FRMD5: variants seen among roughly 807,000 people sequenced by gnomAD.
The protein encoded by FRMD5 is FERM domain containing 5.
FRMD5 carries 20 observed loss-of-function variants against 69.0 expected under a neutral mutation model. The observed-to-expected ratio is 0.29, with a 90% CI of 0.20 to 0.42. The LOEUF is 0.42. FRMD5 is among the 10% of genes least tolerant of loss of function. FRMD5 has a pLI of 1.00. For synonymous variants in FRMD5, 271 were observed against 260.1 expected (o/e 1.04, Z -0.40); for missense variants, 595 against 708.6 (o/e 0.84, Z 1.82).
intron 1 of FRMD5, among the ~76,000 whole-genome samples, chr15:43,932,595 C>T (rs2089693865): frequency 6.6e-6 from 1 of 152,082 alleles, no homozygotes; most frequent in Non-Finnish European, 1.5e-5. Context: ...CCTTTTAATG[C>T]CTTGGCTTTA....
chr15:43,882,810 CT>C (rs561165000), intron 13 of FRMD5, among the ~76,000 whole-genome samples: 2 of 151,312 alleles, frequency 1.3e-5, no homozygotes, highest in African/African-American at 2.4e-5. Context: ...GTGGAATCCT[CT>C]TTTTTTTCTT....
chr15:44,114,165 G>T (rs916275114), intron 1 of FRMD5, among the ~76,000 whole-genome samples: 1 of 152,080 alleles, frequency 6.6e-6, no homozygotes, highest in African/African-American at 2.4e-5. Context: ...ATTAACAGAA[G>T]ACAGTAGTAT....
At chr15:43,929,196 A>G (rs975682185) in intron 1 of FRMD5, among the ~76,000 whole-genome samples, 2 of 152,110 alleles carry the variant, frequency 1.3e-5, no homozygotes, top group African/African-American at 2.4e-5. Context: ...TGGTTTGCCT[A>G]TTCTTTAGGG....
intron 1 of FRMD5, among the ~76,000 whole-genome samples, chr15:44,132,754 G>GTATA (rs2077120547): frequency 8.6e-6 from 1 of 115,974 alleles, no homozygotes; most frequent in South Asian, 3.7e-4. Context: ...ATGTATGTAT[G>GTATA]TATGTATGTA....
chr15:43,933,331 C>T (rs1280587703), intron 1 of FRMD5, among the ~76,000 whole-genome samples: 1 of 152,200 alleles, frequency 6.6e-6, no homozygotes, highest in Non-Finnish European at 1.5e-5. Flanking sequence ...AGGAAGCATA[C>T]CATACTCCGG....
At chr15:44,048,659 G>A (rs781713858) in intron 1 of FRMD5, among the ~76,000 whole-genome samples, 9 of 151,836 alleles carry the variant, frequency 5.9e-5, no homozygotes, top group Non-Finnish European at 1.0e-4. Flanking sequence ...GGCAACCTCC[G>A]TCTCCCAGGT....
intron 9 of FRMD5, 63 bp downstream of exon 9, chr15:43,888,746 C>G: frequency 6.9e-7 from 1 of 1,442,704 alleles, no homozygotes; most frequent in Non-Finnish European, 9.7e-7. Flanking sequence ...AAGCTTGGCT[C>G]TGGCCACCAG....
intron 1 of FRMD5, among the ~76,000 whole-genome samples, chr15:43,934,269 G>T (rs888126847): frequency 1.3e-5 from 2 of 152,220 alleles, no homozygotes; most frequent in African/African-American, 2.4e-5. Context: ...AGCGATGGGA[G>T]TAAGAAAAGG....
At chr15:44,016,345 C>T (rs575603840) in intron 1 of FRMD5, among the ~76,000 whole-genome samples, 1 of 152,064 alleles carries the variant, frequency 6.6e-6, no homozygotes, top group Non-Finnish European at 1.5e-5. Flanking sequence ...TTTATATATA[C>T]GAATAATGTA....
intron 1 of FRMD5, among the ~76,000 whole-genome samples, chr15:44,149,570 T>C (rs906442988): frequency 4.6e-5 from 7 of 152,036 alleles, no homozygotes; most frequent in Non-Finnish European, 7.4e-5. Context: ...AGCGAAAGGA[T>C]GTAAAAATAT....
intron 1 of FRMD5, among the ~76,000 whole-genome samples, chr15:44,054,900 T>C (rs751640976): frequency 2.0e-5 from 3 of 151,898 alleles, no homozygotes; most frequent in African/African-American, 4.8e-5. Context: ...TGAAACCCCA[T>C]CTCTACTAAA....
intron 1 of FRMD5, among the ~76,000 whole-genome samples, chr15:44,050,576 T>C (rs1283792740): frequency 1.4e-5 from 2 of 145,998 alleles, no homozygotes; most frequent in African/African-American, 2.5e-5. Flanking sequence ...TGCTATGTTG[T>C]CCAGCCTGGT....
At chr15:44,083,084 T>C (rs1333381174) in intron 1 of FRMD5, among the ~76,000 whole-genome samples, 1 of 152,034 alleles carries the variant, frequency 6.6e-6, no homozygotes, top group African/African-American at 2.4e-5. Context: ...TCTGATTATA[T>C]GCCTTAAAAG....
At position 43,879,785 on chromosome 15, in the gene FRMD5, A is replaced by C. The variant is rs2088472495; in HGVS notation, c.1135+3918T>G. The C allele has an allele frequency of 1.0e-5, 4 of 397,590 alleles. No homozygotes were observed. In the South Asian group the frequency reaches 4.3e-4, roughly 42 times the overall value. The allele number at this position is 397,590 out of a possible 1,614,324, so 24.6% of individuals were successfully genotyped here. A position where few individuals can be genotyped will look rare whatever the true frequency, so the allele number is the denominator to read the frequency against. On this transcript the variant is annotated intron_variant, in intron 13 of 13. Transcript: ENST00000417257. ...AAGATGGAAAGCCAACTAGGAACAA[A>C]GGATTTCTGCAGATCCCACATCATA... is the stretch of plus-strand genomic sequence containing the variant.
chr15:44,031,901 G>T (rs765219076), intron 1 of FRMD5, among the ~76,000 whole-genome samples: 7 of 152,010 alleles, frequency 4.6e-5, no homozygotes, highest in African/African-American at 7.2e-5. Flanking sequence ...AATCTTTATG[G>T]ATCAGGTCCC....
Position 43,888,051 on chromosome 15 carries a change from C to CT in FRMD5, c.884+123dup. On this transcript the variant is annotated intron_variant, in intron 10 of 13. Coordinates refer to ENST00000417257, the MANE Select transcript of FRMD5 (RefSeq NM_032892.5). Reference sequence around the variant, plus strand: ...TGGCCTCAACCTGGCTTCTCAGTAACTGTCAAGCTCTTGCCCACTTCCAGC... The same window carrying CT: ...TGGCCTCAACCTGGCTTCTCAGTAACTTGTCAAGCTCTTGCCCACTTCCAGC... 3 of 665,760 alleles carry CT rather than the reference C, an allele frequency of 4.5e-6. No homozygotes were observed. In the East Asian group the frequency reaches 8.2e-5, roughly 18 times the overall value. The allele number at this position is 665,760 out of a possible 1,614,324, so 41.2% of individuals were successfully genotyped here.
chr15:43,971,467 C>T (rs1191225969), intron 1 of FRMD5, among the ~76,000 whole-genome samples: 2 of 151,288 alleles, frequency 1.3e-5, no homozygotes, highest in African/African-American at 2.4e-5. Context: ...GGGCGGATCA[C>T]GAGGTCAGGA....
rs1348877487 is a variant in FRMD5, at chr15:44,132,431, T to G, written c.102+62522A>C. The stretch of plus-strand genomic sequence containing the variant: ...GATGGTAGTACATTATGAATGTGTG[T>G]GTGTGTATTTATTTAGAGAAAGAAA... On this transcript the variant is annotated intron_variant, in intron 1 of 13. Coordinates refer to ENST00000417257, the MANE Select transcript of FRMD5 (RefSeq NM_032892.5). Among the ~76,000 whole-genome samples, 5 of 152,256 alleles carry G rather than the reference T, an allele frequency of 3.3e-5. No homozygotes were observed. The South Asian group carries it at 8.3e-4, about 25-fold the overall frequency.
chr15:43,978,200 A>G (rs2090494306), intron 1 of FRMD5, among the ~76,000 whole-genome samples: 1 of 152,140 alleles, frequency 6.6e-6, no homozygotes, highest in South Asian at 2.1e-4. Context: ...GCTGGCAAAT[A>G]AGCAGATGAG....
Sources: allele counts gnomAD v4.1 joint callset (sites outside exome capture counted in the v4.1 genomes callset), GRCh38; gene constraint gnomAD v4.1.1; transcripts MANE v1.5; gene names NCBI Gene and HGNC (gene_info 2026-07-23, HGNC 2026-07-21).